CARMIL2: variants seen among roughly 807,000 people sequenced by gnomAD.
The protein encoded by CARMIL2 is capping protein regulator and myosin 1 linker 2, also known as capping protein, Arp2/3 and myosin-I linker protein 2.
A neutral mutation model predicts 173.3 loss-of-function variants in CARMIL2; 96 were observed. The observed-to-expected ratio is 0.55, with a 90% CI of 0.47 to 0.66. The LOEUF (loss-of-function observed/expected upper bound fraction) is 0.66. Ranked by LOEUF, CARMIL2 falls within the 30% of genes least tolerant of loss-of-function variation. The pLI is 0.00. For synonymous variants in CARMIL2, 830 were observed against 817.1 expected (o/e 1.02, Z -0.27); for missense variants, 1,771 against 1,906.7 (o/e 0.93, Z 1.33).
Position 67,656,009 on chromosome 16 carries a change from C to G in CARMIL2, c.3706-22C>G, listed in dbSNP as rs202107110. The G allele has an allele frequency of 2.7e-4, 422 of 1,578,896 alleles. 1 individual carries two copies. In the African/African-American group the frequency reaches 5.1e-3, roughly 19 times the overall value. ...TGTGGGGAGCGGGCAGGGCTGGAAT[C>G]TGATTGCCCTGTTTCCTGCAGAGCA... On this transcript the variant is annotated intron_variant, in intron 32 of 37. Coordinates refer to ENST00000334583, the MANE Select transcript of CARMIL2 (RefSeq NM_001013838.3).
Position 67,649,185 on chromosome 16 carries a change from C to A in CARMIL2, c.1688+13C>A. On this transcript the variant is annotated intron_variant, in intron 18 of 37. Coordinates refer to ENST00000334583, the MANE Select transcript of CARMIL2 (RefSeq NM_001013838.3). This position sits in a 1 kb window ranked among gnomAD's most constrained non-coding sequence, Gnocchi z 6.7. ...ACGTCCGGTGCAAGTGAGCCCCCAC[C>A]CTACTCCTGGGCCTCCCAGACAACA... is the stretch of plus-strand genomic sequence containing the variant. The A allele has an allele frequency of 6.2e-7, 1 of 1,613,150 alleles. No homozygotes were observed.
chr16:67,656,375 C>T (rs2142957330), intron 34 of CARMIL2, 49 bp from the exon 35 acceptor site: 2 of 1,609,806 alleles, frequency 1.2e-6, no homozygotes, highest in South Asian at 2.2e-5. Context: ...TTGTTCAGAC[C>T]TATCGCCAAT....
At position 67,646,630 on chromosome 16, in the gene CARMIL2, A is replaced by C; in HGVS notation, c.467-84A>C. ...CAGAGCCATTCAGGTCCCAGCCACC[A>C]CCTAGTCTGTGGGTCTGGTCTTCCT... On this transcript the variant is annotated intron_variant, in intron 6 of 37. Coordinates refer to ENST00000334583, the MANE Select transcript of CARMIL2 (RefSeq NM_001013838.3). This position sits in a 1 kb window ranked among gnomAD's most constrained non-coding sequence, Gnocchi z 4.6. 1 of 1,573,676 alleles carries C rather than the reference A, an allele frequency of 6.4e-7. No individual in the cohort carries two copies. The highest frequency in any genetic ancestry group is 8.7e-7 in the Non-Finnish European group (1 of 1,144,018).
rs571142280 is a variant in CARMIL2 at position 67,645,303 on chromosome 16, C to T, written c.40+17C>T. The T allele has an allele frequency of 1.9e-5, 31 of 1,600,910 alleles. No individual in the cohort carries two copies. The East Asian group carries it at 6.5e-4, about 34-fold the overall frequency. ...AGCTCCGAGGTAAGCGCTGGCCCTT[C>T]CTGCCTTCTTGGCCGGGAGGAAGTA... On this transcript the variant is annotated intron_variant, in intron 1 of 37. Transcript: ENST00000334583.
At position 67,651,957 on chromosome 16, in the gene CARMIL2, G is replaced by T; in HGVS notation, c.2625G>T (p.Glu875Asp). 6.2e-7 allele frequency: 1 copy of T among 1,613,658 alleles called. No individual in the cohort carries two copies. The highest frequency in any genetic ancestry group is 8.5e-7 in the Non-Finnish European group (1 of 1,179,880). Residue 875 changes from glutamate to aspartate, a missense_variant, in exon 26 of 38, where the codon GAG becomes GAT. Transcript: ENST00000334583. This position sits in a 1 kb window ranked among gnomAD's most constrained non-coding sequence, Gnocchi z 4.2. ...MRLSITGTLA[E>D]SIVAQALAGL... ...TATCAATCACGGGGACCTTGGCAGA[G>T]AGCATTGTGGCTCAGGCTTTGGCAG...
rs1400952260 is a variant in CARMIL2 at position 67,654,319 on chromosome 16, G to C, written c.3222-13G>C. 1 of 1,587,690 alleles carries C rather than the reference G, an allele frequency of 6.3e-7. No individual in the cohort carries two copies. Among genetic ancestry groups the C allele is most frequent in the Admixed American group, 1.8e-5 (1 of 56,542 alleles). ...TGATGGGCTTTCTCGCTCACTGCTG[G>C]GTGTCCCCACAGCTGGGCCCCCGAG... On this transcript the variant is annotated splice_polypyrimidine_tract_variant and intron_variant, in intron 30 of 37. Coordinates refer to ENST00000334583, the MANE Select transcript of CARMIL2 (RefSeq NM_001013838.3).
chr16:67,647,671 C>A lies in CARMIL2; in HGVS notation c.872-9C>A, dbSNP rs986826863. On this transcript the variant is annotated splice_polypyrimidine_tract_variant and intron_variant, in intron 11 of 37. Transcript: ENST00000334583. The stretch of plus-strand genomic sequence containing the variant: ...GGTGAGACCCACGTGGCTGTTCCCA[C>A]CCCCCAAGGCATGACTGCACTCAGC... The A allele has an allele frequency of 1.3e-6, 2 of 1,599,188 alleles. No homozygotes were observed. Among genetic ancestry groups the A allele is most frequent in the African/African-American group, 1.3e-5 (1 of 74,616 alleles).
rs748613858 is a variant in CARMIL2, at chr16:67,650,079, G to C, written c.2113G>C (p.Ala705Pro). Residue 705 changes from alanine to proline, a missense_variant, in exon 22 of 38, where the codon GCA becomes CCA. Physicochemically the swap from Ala to Pro is conservative, Grantham distance 27 (BLOSUM62 -1). This residue lies in a region of CARMIL2 where 944 missense variants were observed against 975.6 expected (regional missense o/e 0.97). Transcript: ENST00000334583. Reference sequence around the variant, plus strand: ...AGCCTGTCTCTTGAGGAACAACCGCGCAGACCCTGCCTCTTCTGACCACAC... The same window carrying C: ...AGCCTGTCTCTTGAGGAACAACCGCCCAGACCCTGCCTCTTCTGACCACAC... ...IQACLLRNNR[A>P]DPASSDHTTR... 1 of 1,613,668 alleles carries C rather than the reference G, an allele frequency of 6.2e-7. No individual in the cohort carries two copies. The highest frequency in any genetic ancestry group is 1.7e-5 in the Admixed American group (1 of 59,998).
chr16:67,654,089 G>C lies in CARMIL2; in HGVS notation c.3121-60G>C, dbSNP rs1049876176. On this transcript the variant is annotated intron_variant, in intron 29 of 37. Coordinates refer to ENST00000334583, the MANE Select transcript of CARMIL2 (RefSeq NM_001013838.3). Reference sequence around the variant, plus strand: ...AGTCCAGGCTGCCGGCCGGGGGGGGGGGGGGGTAGAAGCCAGAGTTGCACT... The same window carrying C: ...AGTCCAGGCTGCCGGCCGGGGGGGGCGGGGGGTAGAAGCCAGAGTTGCACT... 309 of 1,110,558 alleles carry C rather than the reference G, an allele frequency of 2.8e-4. 10 individuals are homozygous for C. Among genetic ancestry groups the C allele is most frequent in the South Asian group, 1.5e-3 (93 of 63,902 alleles). 68.8% of individuals were successfully genotyped at this position (1,110,558 alleles called of 1,614,324 possible).
chr16:67,649,152 G>C lies in CARMIL2; in HGVS notation c.1668G>C (p.Arg556Ser). 8 of 1,613,558 alleles carry C rather than the reference G, an allele frequency of 5.0e-6. No individual in the cohort carries two copies. The highest frequency in any genetic ancestry group is 6.8e-6 in the Non-Finnish European group (8 of 1,179,776). Residue 556 changes from arginine (R) to serine (S), a missense_variant, in exon 18 of 38, where the codon AGG (arginine) becomes AGC (serine). Physicochemically the swap from Arg to Ser is moderately radical, Grantham distance 110. Around this residue, in one of 3 missense-constraint regions of CARMIL2, gnomAD observed 944 missense variants for 975.6 expected, o/e 0.97. Transcript: ENST00000334583. This position sits in a 1 kb window ranked among gnomAD's most constrained non-coding sequence, Gnocchi z 6.7. ...CCCTGAGACATGTGGCGCTTGGAAG[G>C]AACTTCAACGTCCGGTGCAAGTGAG... is the stretch of plus-strand genomic sequence containing the variant. ...SRSLRHVALGRNFNVRCKETL... is the reference protein window; with the variant it reads ...SRSLRHVALGSNFNVRCKETL...
Position 67,648,164 on chromosome 16 carries a change from G to C in CARMIL2, c.1184G>C (p.Gly395Ala), listed in dbSNP as rs1334240072. ...RGCSVGGWMT[G>A]RADWRAGRGG... ...TGCTCCGTGGGGGGATGGATGACCG[G>C]CAGGGCGGACTGGAGGGCGGGACGG... The change falls in exon 14 of 38, where the codon GGC becomes GCC. Residue 395 changes from glycine to alanine, a missense_variant. By Grantham distance (60) the Gly-to-Ala change is moderately conservative. Around this residue, in one of 3 missense-constraint regions of CARMIL2, gnomAD observed 944 missense variants for 975.6 expected, o/e 0.97. Transcript: ENST00000334583. The surrounding 1 kb of genome is among the most constrained non-coding windows in gnomAD (Gnocchi z 6.1). 4.3e-6 allele frequency: 7 copies of C among 1,610,992 alleles called. No individual in the cohort carries two copies. The South Asian group carries it at 5.5e-5, about 13-fold the overall frequency.
Position 67,653,133 on chromosome 16 carries a change from C to T in CARMIL2, c.2999C>T (p.Pro1000Leu), listed in dbSNP as rs1216472177. 10 of 1,115,728 alleles carry T rather than the reference C, an allele frequency of 9.0e-6. No homozygotes were observed. Among genetic ancestry groups the T allele is most frequent in the African/African-American group, 1.7e-5 (1 of 59,572 alleles). The allele number at this position is 1,115,728 out of a possible 1,614,324, so 69.1% of individuals were successfully genotyped here. A position where few individuals can be genotyped will look rare whatever the true frequency, so the allele number is the denominator to read the frequency against. ...CCGAGCCCTGCCGCCCCTGGGCCCC[C>T]GGCCGGCCCGCTGCCCCGCATGGAC... ...GSPSPAAPGPPAGPLPRMDLP... is the reference protein window; with the variant it reads ...GSPSPAAPGPLAGPLPRMDLP... Residue 1000 changes from proline to leucine, a missense_variant, in exon 29 of 38, where the codon CCG becomes CTG. Pro to Leu is a moderately conservative substitution (Grantham distance 98). Around this residue, in one of 3 missense-constraint regions of CARMIL2, gnomAD observed 817 missense variants for 903.5 expected, o/e 0.90. Transcript: ENST00000334583. The surrounding 1 kb of genome is among the most constrained non-coding windows in gnomAD (Gnocchi z 7.4).
chr16:67,656,149 G>A lies in CARMIL2; in HGVS notation c.3743-79G>A, dbSNP rs757409366. On this transcript the variant is annotated intron_variant, in intron 33 of 37. Transcript: ENST00000334583. ...GCCCCCAAGGCACTTGCTCTCCTTGGGGAGGAAGGGGAGAGGCCAGGTTTT... is the reference window on the plus strand; with the variant it reads ...GCCCCCAAGGCACTTGCTCTCCTTGAGGAGGAAGGGGAGAGGCCAGGTTTT... 2.2e-5 allele frequency: 35 copies of A among 1,610,322 alleles called. No individual in the cohort carries two copies. In the Admixed American group the frequency reaches 5.8e-4, roughly 27 times the overall value.
At position 67,651,368 on chromosome 16, in the gene CARMIL2, A is replaced by G. The variant is rs1364374899; in HGVS notation, c.2314-33A>G. 1.2e-6 allele frequency: 2 copies of G among 1,602,614 alleles called. No individual in the cohort carries two copies. Among genetic ancestry groups the G allele is most frequent in the South Asian group, 2.2e-5 (2 of 90,502 alleles). On this transcript the variant is annotated intron_variant, in intron 23 of 37. Coordinates refer to ENST00000334583, the MANE Select transcript of CARMIL2 (RefSeq NM_001013838.3). This position sits in a 1 kb window ranked among gnomAD's most constrained non-coding sequence, Gnocchi z 4.2. ...ACCCTTCCCCTCTTAGTCAGGTGTC[A>G]GCTCGCAACTGCTTTTCCTCTTTGG... is the stretch of plus-strand genomic sequence containing the variant.
rs773851277 is a variant in CARMIL2, at chr16:67,657,446, A to G, written c.4236A>G (p.Thr1412=). The G allele has an allele frequency of 8.1e-6, 13 of 1,610,754 alleles. No individual in the cohort carries two copies. The South Asian group carries it at 1.4e-4, about 18-fold the overall frequency. ...CCGAGCCTCTGCCCCCACAGCCCACAGAGCCCTCCAGCCCTGAGCGGAGCC... is the reference window on the plus strand; with the variant it reads ...CCGAGCCTCTGCCCCCACAGCCCACGGAGCCCTCCAGCCCTGAGCGGAGCC... ...LGTEPLPPQP[T]EPSSPERSPP... is the part of the protein sequence containing the mutation. The change falls in exon 38 of 38, where the codon ACA becomes ACG. Residue 1412 remains threonine (T), a synonymous_variant. Coordinates refer to ENST00000334583, the MANE Select transcript of CARMIL2 (RefSeq NM_001013838.3). The surrounding 1 kb of genome is among the most constrained non-coding windows in gnomAD (Gnocchi z 4.5).
Position 67,647,854 on chromosome 16 carries a change from G to A in CARMIL2, c.967G>A (p.Ala323Thr). 1 of 1,609,094 alleles carries A rather than the reference G, an allele frequency of 6.2e-7. No homozygotes were observed. Among genetic ancestry groups the A allele is most frequent in the South Asian group, 1.1e-5 (1 of 90,348 alleles). Reference sequence around the variant, plus strand: ...CCCCGACCCACCACCAGGAATGAGGGCTCTGGGCCGGGCACTGGCCACCAA... The same window carrying A: ...CCCCGACCCACCACCAGGAATGAGGACTCTGGGCCGGGCACTGGCCACCAA... The part of the protein sequence containing the change: ...QTGLTPRGMR[A>T]LGRALATNAA... The change falls in exon 13 of 38, where the codon GCT becomes ACT. Residue 323 changes from alanine to threonine, a missense_variant. Around this residue, in one of 3 missense-constraint regions of CARMIL2, gnomAD observed 944 missense variants for 975.6 expected, o/e 0.97. Coordinates refer to ENST00000334583, the MANE Select transcript of CARMIL2 (RefSeq NM_001013838.3).
rs1597747537 is a variant in CARMIL2, at chr16:67,648,411, G to A, written c.1348G>A (p.Ala450Thr). The part of the protein sequence containing the change: ...NVFSRTKSRA[A>T]PAALQLFLSR... The stretch of plus-strand genomic sequence containing the variant: ...CACTTCCCCCAGGAAGTCCCGCGCC[G>A]CGCCGGCCGCGCTGCAGCTCTTCCT... The change falls in exon 15 of 38, where the codon GCG becomes ACG. Residue 450 changes from alanine (A) to threonine (T), a missense_variant. This residue lies in a region of CARMIL2 where 944 missense variants were observed against 975.6 expected (regional missense o/e 0.97). Transcript: ENST00000334583. The surrounding 1 kb of genome is among the most constrained non-coding windows in gnomAD (Gnocchi z 6.1). The A allele has an allele frequency of 6.6e-7, 1 of 1,522,330 alleles. No homozygotes were observed. The allele number at this position is 1,522,330 out of a possible 1,614,324, so 94.3% of individuals were successfully genotyped here. A position where few individuals can be genotyped will look rare whatever the true frequency, so the allele number is the denominator to read the frequency against.
At position 67,650,044 on chromosome 16, in the gene CARMIL2, C is replaced by A. The variant is rs2052695099; in HGVS notation, c.2083-5C>A. The A allele has an allele frequency of 6.2e-7, 1 of 1,613,788 alleles. No homozygotes were observed. The highest frequency in any genetic ancestry group is 1.3e-5 in the African/African-American group (1 of 75,048). ...TCGGCATTTCTCAATACCCCTTGCC[C>A]CTAGATCCAAGCCTGTCTCTTGAGG... On this transcript the variant is annotated splice_region_variant and splice_polypyrimidine_tract_variant and intron_variant, in intron 21 of 37. Transcript: ENST00000334583.
intron 35 of CARMIL2, 70 bp from the exon 36 acceptor site, chr16:67,656,731 T>G (rs74026419): frequency 0.062 from 97,746 of 1,564,060 alleles, 5,551 homozygotes; most frequent in African/African-American, 0.29. Context: ...CTAAGGACCC[T>G]GAGGGTGGGA....
Sources: allele counts gnomAD v4.1 joint callset, GRCh38; gene constraint gnomAD v4.1.1; regional missense constraint gnomAD v4.1.1; non-coding constraint Gnocchi (gnomAD v3.1); transcripts MANE v1.5; gene names NCBI Gene and HGNC (gene_info 2026-07-23, HGNC 2026-07-21).